Variants in AGGF1 observed in about 807,000 individuals in gnomAD.
AGGF1 encodes the protein angiogenic factor with G patch and FHA domains 1.
AGGF1 carries 56 observed loss-of-function variants against 86.5 expected under a neutral mutation model. The ratio of observed to expected loss-of-function variants is 0.65; its 90% CI spans 0.52 to 0.81. The LOEUF (loss-of-function observed/expected upper bound fraction) is 0.81, where lower values mean the gene tolerates loss of function less well. Ranked by LOEUF, AGGF1 falls within the 30% of genes least tolerant of loss-of-function variation. The probability of loss-of-function intolerance (pLI) is 0.00; values close to 1 mark genes in which losing one functional copy is unlikely to be tolerated. For missense variants in AGGF1, 816 were observed against 850.9 expected (o/e 0.96, Z 0.51); for synonymous variants, 313 against 297.1 (o/e 1.05, Z -0.55).
rs1252282972 is a variant in AGGF1, at chr5:77,035,142, T to C, written c.314-399T>C. 3.3e-5 allele frequency among the ~76,000 whole-genome samples: 5 copies of C among 152,190 alleles called. No homozygotes were observed. The East Asian group carries it at 9.6e-4, about 29-fold the overall frequency. ...GGAGAGAAATTTGCCAAAAAATAAA[T>C]CAATCCCTAATTCCTTGCCTTTATT... On this transcript the variant is annotated intron_variant, in intron 2 of 13. Coordinates refer to ENST00000312916, the MANE Select transcript of AGGF1 (RefSeq NM_018046.5).
At chr5:77,050,000 G>A (rs1314867562) in intron 8 of AGGF1, among the ~76,000 whole-genome samples, 9 of 151,880 alleles carry the variant, frequency 5.9e-5, no homozygotes. Context: ...CTGTAATGTG[G>A]ACCTAAAGTA....
chr5:77,036,672 A>T lies in AGGF1; in HGVS notation c.633A>T (p.Glu211Asp). The change falls in exon 4 of 14, where the codon GAA becomes GAT. Residue 211 changes from glutamate (E) to aspartate (D), a missense_variant. Around this residue, in one of 3 missense-constraint regions of AGGF1, gnomAD observed 11 missense variants for 30.7 expected, o/e 0.36. Coordinates refer to ENST00000312916, the MANE Select transcript of AGGF1 (RefSeq NM_018046.5). Reference protein sequence around the residue: ...AVSQTGFSYDENTGLYFDHST... With the variant: ...AVSQTGFSYDDNTGLYFDHST... ...CACAGACTGGATTTAGTTATGATGA[A>T]AATACTGGACTGTATTTTGACCACA... 6.2e-7 allele frequency: 1 copy of T among 1,613,374 alleles called. No homozygotes were observed. The highest frequency in any genetic ancestry group is 8.5e-7 in the Non-Finnish European group (1 of 1,180,018).
At chr5:77,037,635 G>T (rs1419049858) in intron 4 of AGGF1, among the ~76,000 whole-genome samples, 1 of 152,116 alleles carries the variant, frequency 6.6e-6, no homozygotes, top group Non-Finnish European at 1.5e-5. Flanking sequence ...AAGTCAGCTG[G>T]ATGTAGTGGC....
chr5:77,055,339 A>T (rs545983246), intron 10 of AGGF1, among the ~76,000 whole-genome samples, 175 bp from the exon 11 acceptor site: 183 of 152,312 alleles, frequency 1.2e-3, no homozygotes, highest in Non-Finnish European at 1.4e-3. Flanking sequence ...TTTAGTTACC[A>T]AAATGCTGAA....
chr5:77,035,740 A>G lies in AGGF1; in HGVS notation c.513A>G (p.Ser171=), dbSNP rs1355399654. 6.2e-7 allele frequency: 1 copy of G among 1,612,338 alleles called. No homozygotes were observed. Among genetic ancestry groups the G allele is most frequent in the Non-Finnish European group, 8.5e-7 (1 of 1,178,644 alleles). ...YRQVDHFASN[S]QEPASALATE... is the part of the protein sequence containing the mutation. ...AAGTGGACCATTTTGCCTCAAATTCACAGGTAATAAAATGCTAAACATGAA... is the reference window on the plus strand; with the variant it reads ...AAGTGGACCATTTTGCCTCAAATTCGCAGGTAATAAAATGCTAAACATGAA... The change falls in exon 3 of 14, where the codon TCA becomes TCG. Residue 171 remains serine (S), a synonymous_variant. Transcript: ENST00000312916.
Position 77,030,701 on chromosome 5 carries a change from C to A in AGGF1, c.-66C>A. ...CGCGCGCTCCAGTGGTCTCTGGGTC[C>A]GCCGGCGTCCGTTTCGGCCTGAACG... On this transcript the variant is annotated 5_prime_UTR_variant, in exon 1 of 14. Coordinates refer to ENST00000312916, the MANE Select transcript of AGGF1 (RefSeq NM_018046.5). The A allele has an allele frequency of 6.6e-7, 1 of 1,512,464 alleles. No individual in the cohort carries two copies. The highest frequency in any genetic ancestry group is 8.9e-7 in the Non-Finnish European group (1 of 1,129,074). The allele number at this position is 1,512,464 out of a possible 1,614,324, so 93.7% of individuals were successfully genotyped here. A position where few individuals can be genotyped will look rare whatever the true frequency, so the allele number is the denominator to read the frequency against.
At chr5:77,035,948 C>T in intron 3 of AGGF1, 1 of 532,616 alleles carries the variant, frequency 1.9e-6, no homozygotes, top group South Asian at 2.2e-5. Flanking sequence ...TTTCCTACTA[C>T]ATTGTGTTCC....
intron 5 of AGGF1, among the ~76,000 whole-genome samples, chr5:77,041,445 TA>T (rs1327248232): frequency 6.6e-6 from 1 of 151,420 alleles, no homozygotes; most frequent in Non-Finnish European, 1.5e-5. Context: ...CAGATGCCTG[TA>T]ATCCCAGCTG....
chr5:77,031,042 C>A, intron 1 of AGGF1, 66 bp downstream of exon 1: 1 of 1,549,642 alleles, frequency 6.5e-7, no homozygotes, highest in Non-Finnish European at 8.9e-7. Context: ...CCCGTGATAG[C>A]CTCGGAAGGG....
chr5:77,047,817 CTTTTTT>C (rs771004923), intron 6 of AGGF1, among the ~76,000 whole-genome samples: 2 of 123,646 alleles, frequency 1.6e-5, no homozygotes, highest in Non-Finnish European at 3.4e-5. Context: ...TGTGCCTGGC[CTTTTTT>C]TTTTTTTTTT....
chr5:77,038,835 T>A (rs1444346415), intron 4 of AGGF1, among the ~76,000 whole-genome samples: 1 of 152,152 alleles, frequency 6.6e-6, no homozygotes, highest in Non-Finnish European at 1.5e-5. Context: ...ATATCATAAA[T>A]ATAGGTGATT....
chr5:77,031,015 A>C (rs557581587), intron 1 of AGGF1, 39 bp downstream of exon 1: 1 of 1,607,260 alleles, frequency 6.2e-7, no homozygotes, highest in Non-Finnish European at 8.5e-7. Flanking sequence ...CATCCAGCCC[A>C]GGCGAGGCCT....
At chr5:77,047,518 C>G (rs1414800058) in intron 6 of AGGF1, among the ~76,000 whole-genome samples, 5 of 152,076 alleles carry the variant, frequency 3.3e-5, no homozygotes, top group African/African-American at 1.2e-4. Context: ...TGGCATTTCT[C>G]TTGCATTTTT....
intron 4 of AGGF1, among the ~76,000 whole-genome samples, chr5:77,037,267 C>T (rs1213655851): frequency 6.6e-6 from 1 of 151,974 alleles, no homozygotes; most frequent in Non-Finnish European, 1.5e-5. Context: ...TTAACTACAT[C>T]GTAAATATTT....
At chr5:77,035,146 T>C (rs1047073231) in intron 2 of AGGF1, among the ~76,000 whole-genome samples, 13 of 152,186 alleles carry the variant, frequency 8.5e-5, no homozygotes, top group African/African-American at 3.1e-4. Context: ...AATAAATCAA[T>C]CCCTAATTCC....
chr5:77,030,701 C>T lies in AGGF1; in HGVS notation c.-66C>T, dbSNP rs1746825016. 9 of 1,512,462 alleles carry T rather than the reference C, an allele frequency of 6.0e-6. No homozygotes were observed. Among genetic ancestry groups the T allele is most frequent in the African/African-American group, 1.4e-5 (1 of 72,928 alleles). 93.7% of individuals were successfully genotyped at this position (1,512,462 alleles called of 1,614,324 possible). A position where few individuals can be genotyped will look rare whatever the true frequency, so the allele number is the denominator to read the frequency against. On this transcript the variant is annotated 5_prime_UTR_variant, in exon 1 of 14. Coordinates refer to ENST00000312916, the MANE Select transcript of AGGF1 (RefSeq NM_018046.5). ...CGCGCGCTCCAGTGGTCTCTGGGTCCGCCGGCGTCCGTTTCGGCCTGAACG... is the reference window on the plus strand; with the variant it reads ...CGCGCGCTCCAGTGGTCTCTGGGTCTGCCGGCGTCCGTTTCGGCCTGAACG...
In AGGF1 at chr5:77,061,744, A is replaced by G. The variant is rs1366056899; in HGVS notation, c.1886A>G (p.Lys629Arg). The change falls in exon 13 of 14, where the codon AAG becomes AGG. Residue 629 changes from lysine to arginine, a missense_variant. Physicochemically the swap from Lys to Arg is conservative, Grantham distance 26. Around this residue, in one of 3 missense-constraint regions of AGGF1, gnomAD observed 565 missense variants for 585.8 expected, o/e 0.96. Coordinates refer to ENST00000312916, the MANE Select transcript of AGGF1 (RefSeq NM_018046.5). ...DSNKGRKMLE[K>R]MGWKKGEGLG... is the part of the protein sequence containing the mutation. ...AACAAAGGTCGGAAGATGTTGGAGAAGATGGGTTGGAAGAAAGGAGAGGGC... is the reference window on the plus strand; with the variant it reads ...AACAAAGGTCGGAAGATGTTGGAGAGGATGGGTTGGAAGAAAGGAGAGGGC... 13 of 1,604,742 alleles carry G rather than the reference A, an allele frequency of 8.1e-6. No individual in the cohort carries two copies. The highest frequency in any genetic ancestry group is 1.1e-5 in the Non-Finnish European group (13 of 1,174,302).
chr5:77,048,850 CATT>C, intron 7 of AGGF1, 83 bp from the exon 8 acceptor site: 1 of 1,249,430 alleles, frequency 8.0e-7, no homozygotes, highest in Non-Finnish European at 1.2e-6. Flanking sequence ...TGTATTTTAA[CATT>C]ATCTGTTTTT....
In AGGF1 at chr5:77,046,682, GTAAA is replaced by G. The variant is rs776243274; in HGVS notation, c.1201+9_1201+12del. 2.5e-6 allele frequency: 4 copies of G among 1,612,704 alleles called. No individual in the cohort carries two copies. In the South Asian group the frequency reaches 4.4e-5, roughly 18 times the overall value. On this transcript the variant is annotated splice_donor_region_variant and intron_variant, in intron 6 of 13. Coordinates refer to ENST00000312916, the MANE Select transcript of AGGF1 (RefSeq NM_018046.5). Reference sequence around the variant, plus strand: ...CAGAAGATAGTGAGGATGAAGGTGAGTAAATAATCATTATTTAAGTAAATAGCCC... The same window carrying G: ...CAGAAGATAGTGAGGATGAAGGTGAGTAATCATTATTTAAGTAAATAGCCC...
Sources: allele counts gnomAD v4.1 joint callset (sites outside exome capture counted in the v4.1 genomes callset), GRCh38; gene constraint gnomAD v4.1.1; regional missense constraint gnomAD v4.1.1; transcripts MANE v1.5; gene names NCBI Gene and HGNC (gene_info 2026-07-23, HGNC 2026-07-21).